Variants in SLCO3A1 observed in about 807,000 individuals in gnomAD.
SLCO3A1 encodes the protein PGE1 transporter.
A neutral mutation model predicts 63.1 loss-of-function variants in SLCO3A1; 27 were observed. The observed-to-expected ratio is 0.43, with a 90% CI of 0.32 to 0.59. The LOEUF (loss-of-function observed/expected upper bound fraction) is 0.59. Among genes scored for constraint, SLCO3A1 ranks in the 20% least tolerant of loss-of-function variants. The probability of loss-of-function intolerance (pLI) is 0.09; values close to 1 mark genes in which losing one functional copy is unlikely to be tolerated. For missense variants in SLCO3A1, 773 were observed against 945.8 expected, an observed-to-expected ratio of 0.82 and a Z score of 2.40; for synonymous variants, 473 against 409.9, an observed-to-expected ratio of 1.15 and a Z score of -1.86.
At position 92,147,130 on chromosome 15, in the gene SLCO3A1, A is replaced by G. The variant is rs1247485690; in HGVS notation, c.1659A>G (p.Ala553=). Reference sequence around the variant, plus strand: ...TCTGCAGCCTGATCGGTGCCATGGCACAGACACCCTCAGTCATCATCCTCA... The same window carrying G: ...TCTGCAGCCTGATCGGTGCCATGGCGCAGACACCCTCAGTCATCATCCTCA... ...MCICSLIGAM[A]QTPSVIILIR... is the part of the protein sequence containing the mutation. Residue 553 remains alanine (A), a synonymous_variant, in exon 8 of 10, where the codon GCA becomes GCG. Coordinates refer to ENST00000318445, the MANE Select transcript of SLCO3A1 (RefSeq NM_013272.4). 1.2e-6 allele frequency: 2 copies of G among 1,612,714 alleles called. No individual in the cohort carries two copies. The highest frequency in any genetic ancestry group is 1.1e-5 in the South Asian group (1 of 91,066).
chr15:91,990,515 A>G, intron 2 of SLCO3A1, among the ~76,000 whole-genome samples: 1 of 151,836 alleles, frequency 6.6e-6, no homozygotes, highest in East Asian at 1.9e-4. Context: ...GGTGTCCTTA[A>G]GGCACTGTTC....
At chr15:91,943,251 A>T (rs1489694159) in intron 2 of SLCO3A1, among the ~76,000 whole-genome samples, 1 of 152,040 alleles carries the variant, frequency 6.6e-6, no homozygotes, top group African/African-American at 2.4e-5. Context: ...CCCTCCCCTC[A>T]GCCCTTGGCA....
chr15:92,097,716 C>A (rs1183192056), intron 3 of SLCO3A1, among the ~76,000 whole-genome samples: 1 of 152,160 alleles, frequency 6.6e-6, no homozygotes, highest in African/African-American at 2.4e-5. Context: ...TCTTTGTTTG[C>A]GTCCTTCCCG....
At chr15:92,060,793 C>T (rs890459113) in intron 2 of SLCO3A1, among the ~76,000 whole-genome samples, 3 of 152,108 alleles carry the variant, frequency 2.0e-5, no homozygotes, top group Non-Finnish European at 4.4e-5. Flanking sequence ...AGCCACTGTG[C>T]CCGGCCGGTA....
At chr15:92,041,042 C>G (rs2046790772) in intron 2 of SLCO3A1, among the ~76,000 whole-genome samples, 1 of 152,066 alleles carries the variant, frequency 6.6e-6, no homozygotes, top group Non-Finnish European at 1.5e-5. Context: ...TTCATGATGC[C>G]CATCTCATGG....
chr15:92,071,879 G>A (rs1391729725), intron 2 of SLCO3A1, among the ~76,000 whole-genome samples: 2 of 152,208 alleles, frequency 1.3e-5, no homozygotes, highest in East Asian at 3.8e-4. Context: ...CGTAATCTGG[G>A]GGCCTGGGCG....
rs183326177 is a variant in SLCO3A1 at position 91,855,364 on chromosome 15, G to C, written c.180+1276G>C. Among the ~76,000 whole-genome samples, 54 of 152,306 alleles carry C rather than the reference G, an allele frequency of 3.5e-4. No homozygotes were observed. The East Asian group carries it at 8.5e-3, about 24-fold the overall frequency. ...GGTGTTGAGGAAGTTAGGTGGTTGTGAGAGAGGGGGTCTTCAAACTCAGCT... is the reference window on the plus strand; with the variant it reads ...GGTGTTGAGGAAGTTAGGTGGTTGTCAGAGAGGGGGTCTTCAAACTCAGCT... On this transcript the variant is annotated intron_variant, in intron 1 of 9. Transcript: ENST00000318445.
At chr15:92,086,853 G>C (rs898461499) in intron 2 of SLCO3A1, among the ~76,000 whole-genome samples, 1 of 151,970 alleles carries the variant, frequency 6.6e-6, no homozygotes, top group Admixed American at 6.6e-5. Context: ...CCACACGCCT[G>C]TAATCCCAGC....
At chr15:92,111,728 C>G (rs181552504) in intron 4 of SLCO3A1, among the ~76,000 whole-genome samples, 1 of 152,296 alleles carries the variant, frequency 6.6e-6, no homozygotes, top group East Asian at 1.9e-4. Context: ...GTGAGGGTGC[C>G]TAGCATGATG....
At chr15:92,108,786 C>T (rs1021735339) in intron 4 of SLCO3A1, among the ~76,000 whole-genome samples, 1 of 152,108 alleles carries the variant, frequency 6.6e-6, no homozygotes, top group Non-Finnish European at 1.5e-5. Context: ...TCCTTCAGTT[C>T]ACTTCTGGGC....
intron 2 of SLCO3A1, among the ~76,000 whole-genome samples, chr15:92,071,865 T>C (rs1038495273): frequency 6.6e-6 from 1 of 152,216 alleles, no homozygotes; most frequent in African/African-American, 2.4e-5. Flanking sequence ...GGATGTGTCT[T>C]AGTCGTAATC....
At chr15:91,873,646 G>A (rs1485376602) in intron 1 of SLCO3A1, among the ~76,000 whole-genome samples, 1 of 151,668 alleles carries the variant, frequency 6.6e-6, no homozygotes, top group Non-Finnish European at 1.5e-5. Context: ...AAATACTTCA[G>A]TATACCTCTT....
At chr15:91,906,001 TTGGGCGTCAATC>T (rs1002784045) in intron 1 of SLCO3A1, among the ~76,000 whole-genome samples, 1 of 152,070 alleles carries the variant, frequency 6.6e-6, no homozygotes, top group African/African-American at 2.4e-5. Flanking sequence ...ACCAGTGGGG[TTGGGCGTCAATC>T]CTGGCTCTGC....
chr15:91,875,825 A>G lies in SLCO3A1; in HGVS notation c.180+21737A>G, dbSNP rs1007360940. 6.6e-6 allele frequency among the ~76,000 whole-genome samples: 1 copy of G among 152,236 alleles called. No individual in the cohort carries two copies. Among genetic ancestry groups the G allele is most frequent in the Admixed American group, 6.5e-5 (1 of 15,286 alleles). On this transcript the variant is annotated intron_variant, in intron 1 of 9. Transcript: ENST00000318445. This position sits in a 1 kb window ranked among gnomAD's most constrained non-coding sequence, Gnocchi z 4.5. ...CTTTTGTAAGTCAACTTTTATTGGA[A>G]CACAGCCATGCTGATTTATGTATAT...
intron 1 of SLCO3A1, among the ~76,000 whole-genome samples, chr15:91,892,750 A>T (rs990295009): frequency 5.3e-5 from 8 of 152,194 alleles, no homozygotes; most frequent in African/African-American, 1.9e-4. Context: ...CCTAGATTCC[A>T]GTTCTGATTC....
At chr15:91,902,068 C>T (rs79950315) in intron 1 of SLCO3A1, among the ~76,000 whole-genome samples, 1,879 of 152,128 alleles carry the variant, frequency 0.012, 40 homozygotes, top group African/African-American at 0.044. Context: ...TACTGATTTA[C>T]TGATTCTTTC....
intron 4 of SLCO3A1, among the ~76,000 whole-genome samples, chr15:92,108,855 G>T (rs983951536): frequency 1.6e-4 from 25 of 151,998 alleles, no homozygotes; most frequent in Non-Finnish European, 2.9e-5. Context: ...ACCTGCCCCT[G>T]TGTACCCGGT....
downstream of SLCO3A1, chr15:92,166,037 G>C: frequency 5.4e-6 from 2 of 370,536 alleles, no homozygotes; most frequent in Non-Finnish European, 7.4e-6. Context: ...AGAAGGTTTG[G>C]GTTTTGTTTT....
chr15:92,153,416 A>AGCCT (rs2048332577), intron 9 of SLCO3A1: 6 of 152,240 alleles, frequency 3.9e-5, no homozygotes, highest in African/African-American at 1.4e-4. Context: ...GCTCTAGAAG[A>AGCCT]CTATGACACA....
Sources: allele counts gnomAD v4.1 joint callset (sites outside exome capture counted in the v4.1 genomes callset), GRCh38; gene constraint gnomAD v4.1.1; non-coding constraint Gnocchi (gnomAD v3.1); transcripts MANE v1.5; gene names NCBI Gene and HGNC (gene_info 2026-07-23, HGNC 2026-07-21).